The following SPATA31H1 variants were observed in gnomAD, a reference collection of about 807,000 sequenced individuals.
SPATA31H1 encodes SPATA31 subfamily H member 1.
chr2:27,582,137 T>G, the SPATA31H1 span: 1 of 1,613,140 alleles, frequency 6.2e-7, no homozygotes. Flanking sequence ...GCCACCTCAG[T>G]CCCTTGGAAA....
At chr2:27,545,584 T>C in the SPATA31H1 span, among the ~76,000 whole-genome samples, 1 of 151,180 alleles carries the variant, frequency 6.6e-6, no homozygotes, top group Non-Finnish European at 1.5e-5. Context: ...TTTTTCTTTT[T>C]TTTTTTTTTG....
chr2:27,565,116 C>T, the SPATA31H1 span, among the ~76,000 whole-genome samples: 3 of 152,140 alleles, frequency 2.0e-5, no homozygotes, highest in African/African-American at 4.8e-5. Context: ...TTGAATAATT[C>T]TCTTCCCTTC....
chr2:27,556,154 A>C, the SPATA31H1 span, among the ~76,000 whole-genome samples: 121 of 151,562 alleles, frequency 8.0e-4, 3 homozygotes, highest in African/African-American at 2.9e-3. Context: ...AAAAAAAAAA[A>C]AAATTCATTG....
chr2:27,548,837 C>T, the SPATA31H1 span, among the ~76,000 whole-genome samples: 1 of 151,556 alleles, frequency 6.6e-6, no homozygotes. Context: ...CTTTGGGAGG[C>T]CGAGGTGCTT....
At chr2:27,581,735 C>G in the SPATA31H1 span, 2 of 1,613,006 alleles carry the variant, frequency 1.2e-6, no homozygotes, top group Non-Finnish European at 1.7e-6. Context: ...ATCGCAGTCC[C>G]GCTCGGAGGA....
the SPATA31H1 span, among the ~76,000 whole-genome samples, chr2:27,563,615 A>G: frequency 1.3e-5 from 2 of 150,434 alleles, no homozygotes; most frequent in African/African-American, 2.5e-5. Context: ...CCTGGAGTTC[A>G]GTGGCGTGAT....
chr2:27,569,998 T>G, the SPATA31H1 span: 1 of 398,788 alleles, frequency 2.5e-6, no homozygotes, highest in Non-Finnish European at 4.4e-6. Flanking sequence ...TTGTCAGATT[T>G]TATCCCAGAG....
chr2:27,559,978 C>T, the SPATA31H1 span, among the ~76,000 whole-genome samples: 1 of 152,072 alleles, frequency 6.6e-6, no homozygotes, highest in Non-Finnish European at 1.5e-5. Context: ...AGCAATTCTC[C>T]TGCCTCAGCC....
At chr2:27,547,747 C>A in the SPATA31H1 span, among the ~76,000 whole-genome samples, 1 of 151,588 alleles carries the variant, frequency 6.6e-6, no homozygotes, top group Non-Finnish European at 1.5e-5. Context: ...TATAGTAATA[C>A]TTTTTCATTT....
At chr2:27,578,686 T>C in the SPATA31H1 span, 1 of 1,614,144 alleles carries the variant, frequency 6.2e-7, no homozygotes, top group Non-Finnish European at 8.5e-7. Context: ...GATTTGAATC[T>C]AGGACACGTG....
At chr2:27,567,234 C>T in the SPATA31H1 span, 1 of 617,800 alleles carries the variant, frequency 1.6e-6, no homozygotes, top group South Asian at 2.0e-5. Flanking sequence ...ACCACGACTT[C>T]CAAGGTGGGC....
chr2:27,547,794 G>T, the SPATA31H1 span, among the ~76,000 whole-genome samples: 1 of 151,512 alleles, frequency 6.6e-6, no homozygotes, highest in Non-Finnish European at 1.5e-5. Flanking sequence ...AAAATATATA[G>T]AAGTGTGTCA....
chr2:27,578,217 G>A, the SPATA31H1 span: 2 of 1,614,166 alleles, frequency 1.2e-6, no homozygotes, highest in Admixed American at 3.3e-5. Context: ...ACTGCAATAT[G>A]TGAGACCTTC....
the SPATA31H1 span, chr2:27,578,147 G>A: frequency 6.2e-7 from 1 of 1,614,090 alleles, no homozygotes; most frequent in Non-Finnish European, 8.5e-7. Context: ...AAATTGTAAA[G>A]TCTGTGACGA....
chr2:27,582,283 C>A, the SPATA31H1 span: 6 of 1,614,074 alleles, frequency 3.7e-6, no homozygotes, highest in East Asian at 4.5e-5. Context: ...CATCGCAGTT[C>A]CTGTGAGAGA....
the SPATA31H1 span, among the ~76,000 whole-genome samples, chr2:27,538,675 T>C: frequency 6.6e-6 from 1 of 151,666 alleles, no homozygotes; most frequent in East Asian, 1.9e-4. Context: ...CTACTAAAAA[T>C]ACTAAATTAG....
the SPATA31H1 span, among the ~76,000 whole-genome samples, chr2:27,554,097 G>A: frequency 3.3e-5 from 5 of 151,824 alleles, no homozygotes; most frequent in South Asian, 4.1e-4. Flanking sequence ...CTGAGACCTC[G>A]TCAGAATGGC....
At chr2:27,559,592 CT>C in the SPATA31H1 span, among the ~76,000 whole-genome samples, 1 of 152,084 alleles carries the variant, frequency 6.6e-6, no homozygotes, top group Non-Finnish European at 1.5e-5. Flanking sequence ...CAAACTGGTG[CT>C]TTTTTTCTTT....
chr2:27,548,941 G>A, the SPATA31H1 span, among the ~76,000 whole-genome samples: 4 of 151,540 alleles, frequency 2.6e-5, no homozygotes, highest in Non-Finnish European at 4.4e-5. Flanking sequence ...AGGTGTGGTG[G>A]CACGCGCCTG....
Sources: gnomAD v4.1 joint callset for allele counts (sites outside exome capture counted in the v4.1 genomes callset) on GRCh38, gnomAD v4.1.1 for gene constraint, MANE v1.5 for transcripts, NCBI Gene and HGNC (gene_info 2026-07-23, HGNC 2026-07-21) for gene names.